FBXO4: variants seen among roughly 807,000 people sequenced by gnomAD.
FBXO4 encodes the protein F-box only protein 4.
In FBXO4, 36 loss-of-function variants were observed where a neutral mutation model predicts 43.7. The observed-to-expected ratio is 0.82, with a 90% CI of 0.63 to 1.09. The LOEUF (loss-of-function observed/expected upper bound fraction) is 1.09. FBXO4 is among the 50% of genes least tolerant of loss of function. The pLI, the probability that FBXO4 is intolerant of heterozygous loss-of-function variation, is 0.00. For synonymous variants in FBXO4, 180 were observed against 165.6 expected, an observed-to-expected ratio of 1.09 and a Z score of -0.67; for missense variants, 435 against 474.1, an observed-to-expected ratio of 0.92 and a Z score of 0.77.
chr5:42,002,253 C>T, the FBXO4 span, among the ~76,000 whole-genome samples: 9 of 152,122 alleles, frequency 5.9e-5, no homozygotes, highest in East Asian at 1.9e-4. Context: ...ATCATAGTAC[C>T]TCTTTCCCAG....
At chr5:41,964,034 T>C in the FBXO4 span, 7 of 152,192 alleles carry the variant, frequency 4.6e-5, no homozygotes, top group African/African-American at 1.7e-4. Flanking sequence ...CAATTCAAAA[T>C]TGATTTTGAG....
chr5:41,976,115 G>A, the FBXO4 span, among the ~76,000 whole-genome samples: 1 of 152,130 alleles, frequency 6.6e-6, no homozygotes, highest in African/African-American at 2.4e-5. Context: ...CATTCATGAA[G>A]GATTTGTTTC....
chr5:41,930,860 G>C (rs1421327506), intron 3 of FBXO4, among the ~76,000 whole-genome samples: 1 of 152,062 alleles, frequency 6.6e-6, no homozygotes, highest in Non-Finnish European at 1.5e-5. Context: ...GTTTCACTGT[G>C]TTAGCCAGGA....
the FBXO4 span, among the ~76,000 whole-genome samples, chr5:42,038,322 A>G: frequency 6.6e-6 from 1 of 152,254 alleles, no homozygotes; most frequent in East Asian, 1.9e-4. Context: ...TCTGTACTAT[A>G]GTCATTGCTT....
At chr5:41,965,312 T>C in the FBXO4 span, among the ~76,000 whole-genome samples, 1 of 152,312 alleles carries the variant, frequency 6.6e-6, no homozygotes, top group Non-Finnish European at 1.5e-5. Flanking sequence ...TGAAGTCAGG[T>C]AGCATGATGC....
At chr5:42,040,377 C>G in the FBXO4 span, among the ~76,000 whole-genome samples, 1 of 152,086 alleles carries the variant, frequency 6.6e-6, no homozygotes, top group Non-Finnish European at 1.5e-5. Flanking sequence ...GTAATAAACA[C>G]TTAATATGTA....
the FBXO4 span, among the ~76,000 whole-genome samples, chr5:42,005,328 G>A: frequency 2.6e-5 from 4 of 152,188 alleles, no homozygotes; most frequent in East Asian, 1.9e-4. Context: ...ATGGCTATAC[G>A]TGCACAGTTC....
At chr5:42,026,972 C>T in the FBXO4 span, among the ~76,000 whole-genome samples, 2 of 151,882 alleles carry the variant, frequency 1.3e-5, no homozygotes, top group Admixed American at 1.3e-4. Flanking sequence ...AGGACTTTTG[C>T]ATCAATATTC....
At chr5:41,925,754 A>G (rs981487963) in intron 1 of FBXO4, among the ~76,000 whole-genome samples, 3 of 152,064 alleles carry the variant, frequency 2.0e-5, no homozygotes, top group African/African-American at 7.2e-5. Context: ...GACCCTCCCG[A>G]TCGCCCTCAG....
At chr5:42,023,529 T>C in the FBXO4 span, among the ~76,000 whole-genome samples, 2 of 152,170 alleles carry the variant, frequency 1.3e-5, no homozygotes, top group East Asian at 3.9e-4. Flanking sequence ...CTTTCCTAAA[T>C]TGTTATACAG....
At chr5:41,938,324 A>G (rs529115008) in intron 5 of FBXO4, among the ~76,000 whole-genome samples, 2 of 152,322 alleles carry the variant, frequency 1.3e-5, no homozygotes, top group South Asian at 2.1e-4. Context: ...TGTGTATTAC[A>G]TATACTTCAA....
the FBXO4 span, among the ~76,000 whole-genome samples, chr5:41,953,625 T>C: frequency 1.3e-5 from 2 of 150,044 alleles, no homozygotes; most frequent in African/African-American, 2.4e-5. Context: ...AGTGTAAAAG[T>C]GTTCCTATTT....
chr5:42,020,347 A>G, the FBXO4 span, among the ~76,000 whole-genome samples: 2 of 152,172 alleles, frequency 1.3e-5, no homozygotes, highest in Non-Finnish European at 2.9e-5. Context: ...TTCAACAATT[A>G]TTTGTTGACT....
the FBXO4 span, among the ~76,000 whole-genome samples, chr5:41,986,928 G>A: frequency 6.6e-6 from 1 of 152,106 alleles, no homozygotes; most frequent in Admixed American, 6.6e-5. Flanking sequence ...TTGCCTTAAT[G>A]TGGAAATGTT....
the FBXO4 span, among the ~76,000 whole-genome samples, chr5:41,950,604 C>A: frequency 5.3e-5 from 8 of 152,214 alleles, no homozygotes; most frequent in African/African-American, 1.7e-4. Context: ...AATGCGTTTA[C>A]ACTGTTGGTG....
chr5:42,008,598 G>A, the FBXO4 span, among the ~76,000 whole-genome samples: 1 of 152,106 alleles, frequency 6.6e-6, no homozygotes, highest in Non-Finnish European at 1.5e-5. Context: ...TCACACCCAT[G>A]ATCTTGGTTA....
At chr5:42,038,310 A>T in the FBXO4 span, among the ~76,000 whole-genome samples, 1 of 152,244 alleles carries the variant, frequency 6.6e-6, no homozygotes, top group Non-Finnish European at 1.5e-5. Context: ...TGCAAGTGCC[A>T]ATCTGTACTA....
the FBXO4 span, among the ~76,000 whole-genome samples, chr5:41,962,194 T>A: frequency 1.3e-5 from 2 of 152,234 alleles, no homozygotes; most frequent in Non-Finnish European, 2.9e-5. Flanking sequence ...TTAGACTTAT[T>A]TTACCACAGG....
chr5:42,009,314 C>T, the FBXO4 span, among the ~76,000 whole-genome samples: 3 of 151,918 alleles, frequency 2.0e-5, no homozygotes, highest in Non-Finnish European at 4.4e-5. Flanking sequence ...TTTGGCTTCC[C>T]TTCTCTTCAT....
Sources: allele counts gnomAD v4.1 joint callset (sites outside exome capture counted in the v4.1 genomes callset), GRCh38; gene constraint gnomAD v4.1.1; transcripts MANE v1.5; gene names NCBI Gene and HGNC (gene_info 2026-07-23, HGNC 2026-07-21).